CACNB3: variants seen among roughly 807,000 people sequenced by gnomAD.
The protein encoded by CACNB3 is calcium voltage-gated channel auxiliary subunit beta 3.
In CACNB3, 36 loss-of-function variants were observed where a neutral mutation model predicts 63.7. The observed-to-expected ratio is 0.57, with a 90% CI of 0.43 to 0.75. CACNB3 has a LOEUF of 0.75. Ranked by LOEUF, CACNB3 falls within the 30% of genes least tolerant of loss-of-function variation. The pLI, the probability that CACNB3 is intolerant of heterozygous loss-of-function variation, is 0.00. For missense variants in CACNB3, 493 were observed against 648.6 expected, an observed-to-expected ratio of 0.76 and a Z score of 2.61; for synonymous variants, 241 against 250.6, an observed-to-expected ratio of 0.96 and a Z score of 0.36.
chr12:48,815,739 G>C (rs776837298), upstream of CACNB3: 58 of 1,405,726 alleles, frequency 4.1e-5, no homozygotes, highest in South Asian at 4.4e-4. Flanking sequence ...GTAACCGTGG[G>C]GGGGGTGTGG....
At chr12:48,822,455 C>A (rs1263885822) in intron 1 of CACNB3, among the ~76,000 whole-genome samples, 1 of 152,186 alleles carries the variant, frequency 6.6e-6, no homozygotes, top group East Asian at 1.9e-4. Context: ...ATGTTACCCC[C>A]TCCCCACATC....
Position 48,827,751 on chromosome 12 carries a change from T to C in CACNB3, c.1307T>C (p.Leu436Pro). Reference protein sequence around the residue: ...EEDYADAYQDLYQPHRQHTSG... With the variant: ...EEDYADAYQDPYQPHRQHTSG... ...GACTATGCAGATGCCTACCAGGACCTGTACCAGCCTCACCGCCAACACACC... is the reference window on the plus strand; with the variant it reads ...GACTATGCAGATGCCTACCAGGACCCGTACCAGCCTCACCGCCAACACACC... Residue 436 changes from leucine to proline, a missense_variant, in exon 13 of 13, where the codon CTG (leucine) becomes CCG (proline). Physicochemically the swap from Leu to Pro is moderately conservative, Grantham distance 98. Coordinates refer to ENST00000301050, the MANE Select transcript of CACNB3 (RefSeq NM_000725.4). 2 of 1,614,146 alleles carry C rather than the reference T, an allele frequency of 1.2e-6. No homozygotes were observed.
chr12:48,826,432 G>A lies in CACNB3; in HGVS notation c.808G>A (p.Asp270Asn). ...LAKSLQLVVL[D>N]ADTINHPAQL... ...CAAATCCCTGCAGCTAGTAGTGTTGGACGCTGACACCATCAACCACCCAGC... is the reference window on the plus strand; with the variant it reads ...CAAATCCCTGCAGCTAGTAGTGTTGAACGCTGACACCATCAACCACCCAGC... Residue 270 changes from aspartate (D) to asparagine (N), a missense_variant, in exon 10 of 13, where the codon GAC (aspartate) becomes AAC (asparagine). Coordinates refer to ENST00000301050, the MANE Select transcript of CACNB3 (RefSeq NM_000725.4). This position sits in a 1 kb window ranked among gnomAD's most constrained non-coding sequence, Gnocchi z 4.8. 1 of 1,614,154 alleles carries A rather than the reference G, an allele frequency of 6.2e-7. No individual in the cohort carries two copies. The highest frequency in any genetic ancestry group is 8.5e-7 in the Non-Finnish European group (1 of 1,180,018).
In CACNB3 at chr12:48,828,073, G is replaced by A; in HGVS notation, c.*174G>A. The A allele has an allele frequency of 4.8e-6, 3 of 626,364 alleles. No individual in the cohort carries two copies. The highest frequency in any genetic ancestry group is 8.4e-6 in the Non-Finnish European group (3 of 357,720). The allele number at this position is 626,364 out of a possible 1,614,324, so 38.8% of individuals were successfully genotyped here. A position where few individuals can be genotyped will look rare whatever the true frequency, so the allele number is the denominator to read the frequency against. ...GTCCCAAGGTTCTGGGAGAAACAGG[G>A]GACCCCCTCACCTCCTGGGCAGTGA... On this transcript the variant is annotated 3_prime_UTR_variant, in exon 13 of 13. Transcript: ENST00000301050.
In CACNB3 at chr12:48,826,806, C is replaced by A; in HGVS notation, c.942C>A (p.His314Gln). Residue 314 changes from histidine (H) to glutamine (Q), a missense_variant, in exon 11 of 13, where the codon CAC becomes CAA. His to Gln is a conservative substitution (Grantham distance 24, BLOSUM62 0). Transcript: ENST00000301050. This position sits in a 1 kb window ranked among gnomAD's most constrained non-coding sequence, Gnocchi z 4.8. ...IRSRGKSQMK[H>Q]LTVQMMAYDK... Reference sequence around the variant, plus strand: ...CCCGGGGGAAGTCACAGATGAAGCACCTGACCGTACAGATGATGGCATATG... The same window carrying A: ...CCCGGGGGAAGTCACAGATGAAGCAACTGACCGTACAGATGATGGCATATG... 1 of 1,614,158 alleles carries A rather than the reference C, an allele frequency of 6.2e-7. No homozygotes were observed. Among genetic ancestry groups the A allele is most frequent in the Non-Finnish European group, 8.5e-7 (1 of 1,180,022 alleles).
chr12:48,826,532 G>A lies in CACNB3; in HGVS notation c.894+14G>A, dbSNP rs1938147582. 4.3e-6 allele frequency: 7 copies of A among 1,613,562 alleles called. No homozygotes were observed. The highest frequency in any genetic ancestry group is 1.7e-5 in the Admixed American group (1 of 59,912). ...TCCTCACCAAAGGTAAGTCAGCTGG[G>A]CTCATGGAGGAGGCCCACAGGGCTA... On this transcript the variant is annotated intron_variant, in intron 10 of 12. Transcript: ENST00000301050. This position sits in a 1 kb window ranked among gnomAD's most constrained non-coding sequence, Gnocchi z 4.8.
chr12:48,822,734 G>C (rs2137453171), intron 1 of CACNB3, among the ~76,000 whole-genome samples: 1 of 152,328 alleles, frequency 6.6e-6, no homozygotes, highest in South Asian at 2.1e-4. Context: ...GGAGCTGGCA[G>C]CTTTGTGTCC....
chr12:48,824,216 G>T, intron 3 of CACNB3, 42 bp from the exon 4 acceptor site: 1 of 1,508,502 alleles, frequency 6.6e-7, no homozygotes, highest in Non-Finnish European at 9.1e-7. Context: ...ACTGGGGCGG[G>T]GCGCTTCTCT....
At chr12:48,821,760 G>A (rs1414731896) in intron 1 of CACNB3, among the ~76,000 whole-genome samples, 1 of 152,146 alleles carries the variant, frequency 6.6e-6, no homozygotes, top group East Asian at 1.9e-4. Flanking sequence ...TTATTTCTGG[G>A]GTTCATCCCC....
Position 48,818,694 on chromosome 12 carries a change from C to A in CACNB3, c.-236C>A. On this transcript the variant is annotated 5_prime_UTR_variant, in exon 1 of 13. Coordinates refer to ENST00000301050, the MANE Select transcript of CACNB3 (RefSeq NM_000725.4). The surrounding 1 kb of genome is among the most constrained non-coding windows in gnomAD (Gnocchi z 4.3). ...GAGCCGGCGCCAGATTCCTCAGCCG[C>A]GCTCGGGGTGGGACCGGCTGGGTTT... 2.9e-6 allele frequency: 3 copies of A among 1,020,220 alleles called. No individual in the cohort carries two copies. Among genetic ancestry groups the A allele is most frequent in the Non-Finnish European group, 3.8e-6 (3 of 799,908 alleles). The allele number at this position is 1,020,220 out of a possible 1,614,324, so 63.2% of individuals were successfully genotyped here.
intron 1 of CACNB3, chr12:48,820,038 A>C: frequency 5.2e-6 from 1 of 191,278 alleles, no homozygotes; most frequent in Non-Finnish European, 1.1e-5. Flanking sequence ...GTTCATGTTC[A>C]AGTCTTCTCC....
In CACNB3 at chr12:48,823,074, G is replaced by A. The variant is rs1045932286; in HGVS notation, c.46-270G>A. On this transcript the variant is annotated intron_variant, in intron 1 of 12. Coordinates refer to ENST00000301050, the MANE Select transcript of CACNB3 (RefSeq NM_000725.4). The surrounding 1 kb of genome is among the most constrained non-coding windows in gnomAD (Gnocchi z 4.2). The stretch of plus-strand genomic sequence containing the variant: ...GAGGGGAGAAAAGGGAGGAAAGAGA[G>A]AAGTGAAGGCTCTATTCAAAGCTGC... 6.6e-6 allele frequency among the ~76,000 whole-genome samples: 1 copy of A among 152,220 alleles called. No homozygotes were observed. The highest frequency in any genetic ancestry group is 1.5e-5 in the Non-Finnish European group (1 of 68,042).
upstream of CACNB3, among the ~76,000 whole-genome samples, chr12:48,817,632 C>T (rs1384610044): frequency 1.3e-5 from 2 of 152,174 alleles, no homozygotes; most frequent in Non-Finnish European, 2.9e-5. Flanking sequence ...CTCTCTTACC[C>T]CAAATCTCAA....
chr12:48,818,899 C>T lies in CACNB3; in HGVS notation c.-31C>T, dbSNP rs755663655. 3.5e-5 allele frequency: 54 copies of T among 1,551,780 alleles called. No homozygotes were observed. The highest frequency in any genetic ancestry group is 1.2e-4 in the Admixed American group (6 of 51,558). ...GCCTCCGGGCCGCTCCCGCCCCCGG[C>T]GCCGCTCGCTCCCCCGACCCGGACT... On this transcript the variant is annotated 5_prime_UTR_variant, in exon 1 of 13. Transcript: ENST00000301050. This position sits in a 1 kb window ranked among gnomAD's most constrained non-coding sequence, Gnocchi z 4.3.
intron 1 of CACNB3, among the ~76,000 whole-genome samples, chr12:48,821,714 A>G (rs1367140378): frequency 1.3e-5 from 2 of 151,752 alleles, no homozygotes; most frequent in Admixed American, 6.6e-5. Context: ...GTGTCCTAAG[A>G]CCCCTGGGAA....
In CACNB3 at chr12:48,827,875, G is replaced by A. The variant is rs550781385; in HGVS notation, c.1431G>A (p.Arg477=). ...NHSDRNWQRN[R]PWPKDSY ...GTGACCGGAACTGGCAGCGCAACCG[G>A]CCTTGGCCCAAGGATAGCTACTGAC... The change falls in exon 13 of 13, where the codon CGG becomes CGA. Residue 477 remains arginine, a synonymous_variant. Coordinates refer to ENST00000301050, the MANE Select transcript of CACNB3 (RefSeq NM_000725.4). 7.6e-5 allele frequency: 122 copies of A among 1,613,866 alleles called. No homozygotes were observed. In the East Asian group the frequency reaches 2.3e-3, roughly 31 times the overall value.
In CACNB3 at chr12:48,824,531, A is replaced by G. The variant is rs977019857; in HGVS notation, c.408-138A>G. On this transcript the variant is annotated intron_variant, in intron 4 of 12. Transcript: ENST00000301050. ...CTCAACACTAAACAAATCTACAAAC[A>G]CACACACATATTGCATGTACACCTG... is the stretch of plus-strand genomic sequence containing the variant. 8.6e-6 allele frequency: 9 copies of G among 1,046,678 alleles called. No individual in the cohort carries two copies. In the African/African-American group the frequency reaches 1.3e-4, roughly 15 times the overall value. The allele number at this position is 1,046,678 out of a possible 1,614,324, so 64.8% of individuals were successfully genotyped here.
At position 48,823,562 on chromosome 12, in the gene CACNB3, T is replaced by C; in HGVS notation, c.168+96T>C. ...CAAGGGGTCCTTGGGCAGGATGTCC[T>C]TGAGTGTGAGAGGGTGTGTGTGATG... is the stretch of plus-strand genomic sequence containing the variant. On this transcript the variant is annotated intron_variant, in intron 2 of 12. Transcript: ENST00000301050. This position sits in a 1 kb window ranked among gnomAD's most constrained non-coding sequence, Gnocchi z 4.2. 1 of 1,596,526 alleles carries C rather than the reference T, an allele frequency of 6.3e-7. No homozygotes were observed. The highest frequency in any genetic ancestry group is 8.5e-7 in the Non-Finnish European group (1 of 1,170,688).
upstream of CACNB3, chr12:48,816,827 G>C: frequency 1.0e-6 from 1 of 985,396 alleles, no homozygotes; most frequent in Non-Finnish European, 1.2e-6. Flanking sequence ...GTGGATGCAG[G>C]GATGGGAAGA....
Sources: allele counts gnomAD v4.1 joint callset (sites outside exome capture counted in the v4.1 genomes callset), GRCh38; gene constraint gnomAD v4.1.1; non-coding constraint Gnocchi (gnomAD v3.1); transcripts MANE v1.5; gene names NCBI Gene and HGNC (gene_info 2026-07-23, HGNC 2026-07-21).